The following UQCRC2 variants were observed in gnomAD, a reference collection of about 807,000 sequenced individuals.
The protein encoded by UQCRC2 is ubiquinol-cytochrome c reductase core protein 2.
UQCRC2 carries 49 observed loss-of-function variants against 55.6 expected under a neutral mutation model. The observed-to-expected ratio is 0.88, with a 90% CI of 0.70 to 1.12. UQCRC2 has a LOEUF of 1.12. Ranked by LOEUF, UQCRC2 falls within the 50% of genes most tolerant of loss-of-function variation. The pLI, the probability that UQCRC2 is intolerant of heterozygous loss-of-function variation, is 0.00. For missense variants in UQCRC2, 506 were observed against 547.8 expected, an observed-to-expected ratio of 0.92 and a Z score of 0.76; for synonymous variants, 193 against 192.0, an observed-to-expected ratio of 1.01 and a Z score of -0.04.
At position 21,980,721 on chromosome 16, in the gene UQCRC2, CG is replaced by C. The variant is rs779094842; in HGVS notation, c.1278+22del. 9 of 1,611,482 alleles carry C rather than the reference CG, an allele frequency of 5.6e-6. No homozygotes were observed. The Admixed American group carries it at 1.5e-4, about 27-fold the overall frequency. ...TAAATGTAAGTAAATGAAAACTTAACGATTTAACAACAGAGAACTTAACCTT... is the reference window on the plus strand; with the variant it reads ...TAAATGTAAGTAAATGAAAACTTAACATTTAACAACAGAGAACTTAACCTT... On this transcript the variant is annotated intron_variant, in intron 13 of 13. Coordinates refer to ENST00000268379, the MANE Select transcript of UQCRC2 (RefSeq NM_003366.4).
chr16:21,979,656 G>A (rs555454548), intron 12 of UQCRC2, among the ~76,000 whole-genome samples: 14 of 152,300 alleles, frequency 9.2e-5, no homozygotes, highest in Admixed American at 5.2e-4. Flanking sequence ...TCCTGCTTTC[G>A]AGTGAGTCAG....
At position 21,983,311 on chromosome 16, in the gene UQCRC2, C is replaced by A; in HGVS notation, c.*140C>A. On this transcript the variant is annotated 3_prime_UTR_variant, in exon 14 of 14. Coordinates refer to ENST00000268379, the MANE Select transcript of UQCRC2 (RefSeq NM_003366.4). Reference sequence around the variant, plus strand: ...TAAGGCATAAATGCAGGTAATTATTCCCAGCTGACCTAAAGTCAATAAAAC... The same window carrying A: ...TAAGGCATAAATGCAGGTAATTATTACCAGCTGACCTAAAGTCAATAAAAC... 1.5e-6 allele frequency: 1 copy of A among 671,472 alleles called. No individual in the cohort carries two copies. The highest frequency in any genetic ancestry group is 2.5e-6 in the Non-Finnish European group (1 of 405,478). 41.6% of individuals were successfully genotyped at this position (671,472 alleles called of 1,614,324 possible).
At chr16:21,958,501 A>G in intron 3 of UQCRC2, 34 bp from the exon 4 acceptor site, 1 of 1,603,966 alleles carries the variant, frequency 6.2e-7, no homozygotes. Context: ...TGGCATTGAA[A>G]AGCTACAAAG....
chr16:21,979,447 A>T (rs976451230), intron 12 of UQCRC2, among the ~76,000 whole-genome samples: 12 of 152,198 alleles, frequency 7.9e-5, no homozygotes, highest in African/African-American at 2.9e-4. Context: ...TCTAGATGGT[A>T]TAGCCTACTA....
rs374397308 is a variant in UQCRC2, at chr16:21,974,623, CAAGT to C, written c.1047+651_1047+654del. Among the ~76,000 whole-genome samples, 41 of 152,170 alleles carry C rather than the reference CAAGT, an allele frequency of 2.7e-4. 1 individual carries two copies. The highest frequency in any genetic ancestry group is 3.1e-4 in the African/African-American group (13 of 41,532). On this transcript the variant is annotated intron_variant, in intron 11 of 13. Coordinates refer to ENST00000268379, the MANE Select transcript of UQCRC2 (RefSeq NM_003366.4). Reference sequence around the variant, plus strand: ...TGTGTAGTGATTAAGGAATGAATGACAAGTAAGAAATGAGAGGTTGGTGTGGGCT... The same window carrying C: ...TGTGTAGTGATTAAGGAATGAATGACAAGAAATGAGAGGTTGGTGTGGGCT...
At chr16:21,963,608 C>T (rs1898255454) in intron 6 of UQCRC2, among the ~76,000 whole-genome samples, 1 of 152,016 alleles carries the variant, frequency 6.6e-6, no homozygotes, top group African/African-American at 2.4e-5. Context: ...GGACTACAGG[C>T]ACACACCACC....
intron 11 of UQCRC2, among the ~76,000 whole-genome samples, chr16:21,974,899 C>A (rs1450355734): frequency 1.3e-5 from 2 of 152,098 alleles, no homozygotes; most frequent in Non-Finnish European, 2.9e-5. Context: ...AGACAGGAGG[C>A]TAAGTCATGT....
Position 21,983,407 on chromosome 16 carries a change from T to C in UQCRC2, c.*236T>C. Reference sequence around the variant, plus strand: ...AACAAGTATTTATTATGTGCTGATATCTTTGTTTTAGATGCTTTAAAGGAG... The same window carrying C: ...AACAAGTATTTATTATGTGCTGATACCTTTGTTTTAGATGCTTTAAAGGAG... On this transcript the variant is annotated 3_prime_UTR_variant, in exon 14 of 14. Transcript: ENST00000268379. The C allele has an allele frequency of 8.3e-6, 4 of 481,032 alleles. No homozygotes were observed. The highest frequency in any genetic ancestry group is 1.4e-5 in the Non-Finnish European group (4 of 276,188). 29.8% of individuals were successfully genotyped at this position (481,032 alleles called of 1,614,324 possible). A position where few individuals can be genotyped will look rare whatever the true frequency, so the allele number is the denominator to read the frequency against.
chr16:21,964,830 T>C (rs1335321846), intron 6 of UQCRC2, among the ~76,000 whole-genome samples: 1 of 152,204 alleles, frequency 6.6e-6, no homozygotes, highest in Admixed American at 6.5e-5. Context: ...TTCTAGCACC[T>C]AGCACAGTGC....
At chr16:21,980,204 C>T (rs1898684738) in intron 12 of UQCRC2, 1 of 240,086 alleles carries the variant, frequency 4.2e-6, no homozygotes, top group Admixed American at 4.2e-5. Context: ...GCAGAGGATC[C>T]AGATTGCACA....
At chr16:21,968,834 G>T (rs953328772) in intron 8 of UQCRC2, 149 bp downstream of exon 8, 2 of 549,680 alleles carry the variant, frequency 3.6e-6, no homozygotes, top group East Asian at 3.2e-5. Flanking sequence ...GATTTTAATT[G>T]CTAGTCATTT....
chr16:21,976,360 A>T, intron 12 of UQCRC2, 117 bp downstream of exon 12: 1 of 891,090 alleles, frequency 1.1e-6, no homozygotes, highest in South Asian at 1.6e-5. Flanking sequence ...AGAAAAGCGT[A>T]AAAAGGGAAA....
chr16:21,965,314 C>A, intron 6 of UQCRC2, 94 bp from the exon 7 acceptor site: 2 of 1,223,662 alleles, frequency 1.6e-6, no homozygotes, highest in East Asian at 2.5e-5. Flanking sequence ...CAGAAGATGA[C>A]CAAATTTGTA....
chr16:21,966,748 A>G (rs964482457), intron 7 of UQCRC2, among the ~76,000 whole-genome samples: 1 of 152,250 alleles, frequency 6.6e-6, no homozygotes. Flanking sequence ...GAAATTTTTC[A>G]GAAATCAAAT....
chr16:21,957,039 A>T (rs1898096336), intron 1 of UQCRC2, among the ~76,000 whole-genome samples, 196 bp from the exon 2 acceptor site: 1 of 151,698 alleles, frequency 6.6e-6, no homozygotes. Context: ...ACTGCACTCC[A>T]GCCTGAGCGA....
At chr16:21,981,006 T>A (rs1898712295) in intron 13 of UQCRC2, among the ~76,000 whole-genome samples, 2 of 152,114 alleles carry the variant, frequency 1.3e-5, no homozygotes, top group Non-Finnish European at 2.9e-5. Flanking sequence ...GTATCAAACG[T>A]TAGGTTAAAC....
chr16:21,965,261 G>A, intron 6 of UQCRC2, 147 bp from the exon 7 acceptor site: 2 of 663,408 alleles, frequency 3.0e-6, no homozygotes, highest in Middle Eastern at 4.0e-4. Context: ...GTTACTAGAG[G>A]TTAAATAATA....
intron 5 of UQCRC2, 76 bp from the exon 6 acceptor site, chr16:21,962,671 TTTCACATTGAGAGC>T: frequency 1.3e-6 from 2 of 1,598,894 alleles, no homozygotes; most frequent in Non-Finnish European, 1.7e-6. Context: ...AGACCTAAAG[TTTCACATTGAGAGC>T]ATTACAGCTA....
At chr16:21,956,784 G>A (rs373502938) in intron 1 of UQCRC2, among the ~76,000 whole-genome samples, 20 of 152,184 alleles carry the variant, frequency 1.3e-4, no homozygotes, top group Middle Eastern at 3.4e-3. Context: ...GCAGCTAGGC[G>A]GGGTGCAGTG....
Sources: allele counts gnomAD v4.1 joint callset (sites outside exome capture counted in the v4.1 genomes callset), GRCh38; gene constraint gnomAD v4.1.1; transcripts MANE v1.5; gene names NCBI Gene and HGNC (gene_info 2026-07-23, HGNC 2026-07-21).